Variants in PES1 observed in about 807,000 individuals in gnomAD.
PES1 encodes pescadillo ribosomal biogenesis factor 1.
PES1 carries 31 observed loss-of-function variants against 77.1 expected under a neutral mutation model. The ratio of observed to expected loss-of-function variants is 0.40; its 90% CI spans 0.30 to 0.54. PES1 has a LOEUF of 0.54. Ranked by LOEUF, PES1 falls within the 20% of genes least tolerant of loss-of-function variation. The probability of loss-of-function intolerance (pLI) is 0.45; values close to 1 mark genes in which losing one functional copy is unlikely to be tolerated. For missense variants in PES1, 658 were observed against 771.7 expected (o/e 0.85, Z 1.75); for synonymous variants, 282 against 303.0 (o/e 0.93, Z 0.72).
intron 2 of PES1, among the ~76,000 whole-genome samples, chr22:30,599,626 G>A (rs5997697): frequency 0.34 from 52,399 of 152,064 alleles, 9,168 homozygotes; most frequent in Middle Eastern, 0.42. Flanking sequence ...TAGGCTGGGC[G>A]CGGTGGCTCA....
intron 4 of PES1, 39 bp from the exon 5 acceptor site, chr22:30,584,756 C>G: frequency 6.2e-7 from 1 of 1,605,236 alleles, no homozygotes; most frequent in Non-Finnish European, 8.5e-7. Flanking sequence ...GCCTGTTCAG[C>G]GTGGGTGCCA....
chr22:30,598,988 C>T (rs948045182), intron 2 of PES1, among the ~76,000 whole-genome samples: 4 of 136,548 alleles, frequency 2.9e-5, no homozygotes, highest in Non-Finnish European at 6.1e-5. Context: ...CCTCCGTTTC[C>T]TGGGTTCGAA....
At position 30,576,823 on chromosome 22, in the gene PES1, G is replaced by A. The variant is rs780229599; in HGVS notation, c.*223C>T. 3.5e-6 allele frequency: 2 copies of A among 574,342 alleles called. No individual in the cohort carries two copies. The highest frequency in any genetic ancestry group is 2.9e-5 in the East Asian group (1 of 34,132). 35.6% of individuals were successfully genotyped at this position (574,342 alleles called of 1,614,324 possible). A position where few individuals can be genotyped will look rare whatever the true frequency, so the allele number is the denominator to read the frequency against. On this transcript the variant is annotated 3_prime_UTR_variant, in exon 15 of 15. Coordinates refer to ENST00000354694, the MANE Select transcript of PES1 (RefSeq NM_014303.4). ...GCTCCTGGGAGCAGAGAATCAGGCT[G>A]GGCACAGAGGCCTCTTCTCTGACCA...
At position 30,580,603 on chromosome 22, in the gene PES1, C is replaced by T. The variant is rs769350869; in HGVS notation, c.1011G>A (p.Glu337=). ...FEGLKFFLNR[E]VPREALAFII... is the part of the protein sequence containing the mutation. ...TGAAGGCCAGGGCCTCACGGGGCACCTCTCGGTTCAGGAAGAACTTCAGGC... is the reference window on the plus strand; with the variant it reads ...TGAAGGCCAGGGCCTCACGGGGCACTTCTCGGTTCAGGAAGAACTTCAGGC... The change falls in exon 10 of 15, where the codon GAG becomes GAA. Residue 337 remains glutamate (E), a synonymous_variant. Coordinates refer to ENST00000354694, the MANE Select transcript of PES1 (RefSeq NM_014303.4). 6.2e-7 allele frequency: 1 copy of T among 1,613,692 alleles called. No individual in the cohort carries two copies. Among genetic ancestry groups the T allele is most frequent in the Non-Finnish European group, 8.5e-7 (1 of 1,180,026 alleles).
chr22:30,589,143 C>T (rs2146477790), intron 2 of PES1, 48 bp downstream of exon 2: 1 of 1,430,064 alleles, frequency 7.0e-7, no homozygotes, highest in Non-Finnish European at 9.8e-7. Context: ...GCTGAGTTTT[C>T]AATGTGCAAT....
intron 2 of PES1, among the ~76,000 whole-genome samples, chr22:30,599,214 TAATA>T (rs1352687780): frequency 6.6e-6 from 1 of 152,102 alleles, no homozygotes; most frequent in Non-Finnish European, 1.5e-5. Context: ...AGTAAATCTT[TAATA>T]AATAAACTGG....
intron 2 of PES1, among the ~76,000 whole-genome samples, chr22:30,602,928 T>TGTGTGA (rs1043361831): frequency 6.6e-6 from 1 of 151,980 alleles, no homozygotes; most frequent in South Asian, 2.1e-4. Flanking sequence ...TGTGTGTGTG[T>TGTGTGA]GAGAAGGAGT....
Position 30,576,884 on chromosome 22 carries a change from G to C in PES1, c.*162C>G, listed in dbSNP as rs1569018912. ...GGGCAGCTCCATCCAAGGGAAGCGA[G>C]GGCTGCCCACTGGCCCAGCCAGAGA... On this transcript the variant is annotated 3_prime_UTR_variant, in exon 15 of 15. Transcript: ENST00000354694. 1.5e-6 allele frequency: 1 copy of C among 646,260 alleles called. No homozygotes were observed. Among genetic ancestry groups the C allele is most frequent in the Non-Finnish European group, 2.8e-6 (1 of 362,286 alleles). The allele number at this position is 646,260 out of a possible 1,614,324, so 40.0% of individuals were successfully genotyped here.
At chr22:30,579,491 C>A in intron 12 of PES1, 188 bp from the exon 13 acceptor site, 2 of 925,656 alleles carry the variant, frequency 2.2e-6, no homozygotes, top group Non-Finnish European at 3.2e-6. Flanking sequence ...AATTCCAAGA[C>A]CCCCAGTCCT....
rs140808409 is a variant in PES1 at position 30,579,878 on chromosome 22, G to A, written c.1227C>T (p.Pro409=). ...GCACCCCAGAGAAGTACTCTGCCAC[G>A]GGGAGAAGGAGCCTGGCGTTCACTG... The part of the protein sequence containing the change: ...FDSVNARLLL[P]VAEYFSGVQL... The change falls in exon 12 of 15, where the codon CCC becomes CCT. Residue 409 remains proline (P), a synonymous_variant. Coordinates refer to ENST00000354694, the MANE Select transcript of PES1 (RefSeq NM_014303.4). 43,754 of 1,614,102 alleles carry A rather than the reference G, an allele frequency of 0.027. 714 individuals carry two copies. The highest frequency in any genetic ancestry group is 0.032 in the Non-Finnish European group (37,967 of 1,179,998).
Position 30,581,116 on chromosome 22 carries a change from G to C in PES1, c.823-15C>G. The C allele has an allele frequency of 1.3e-6, 2 of 1,594,486 alleles. No homozygotes were observed. The highest frequency in any genetic ancestry group is 1.7e-6 in the Non-Finnish European group (2 of 1,169,078). ...GCTGCCAGTTTCTACAGGAGAGAAG[G>C]GGGCTGCTTGCAGTGGGGGACCTCA... On this transcript the variant is annotated splice_polypyrimidine_tract_variant and intron_variant, in intron 8 of 14. Coordinates refer to ENST00000354694, the MANE Select transcript of PES1 (RefSeq NM_014303.4).
Position 30,579,454 on chromosome 22 carries a change from C to T in PES1, c.1355-151G>A, listed in dbSNP as rs887908135. 8.7e-6 allele frequency: 11 copies of T among 1,268,382 alleles called. No homozygotes were observed. The East Asian group carries it at 1.4e-4, about 16-fold the overall frequency. 78.6% of individuals were successfully genotyped at this position (1,268,382 alleles called of 1,614,324 possible). A position where few individuals can be genotyped will look rare whatever the true frequency, so the allele number is the denominator to read the frequency against. ...CCAATTGTGGCCCTCTCTTGCACCT[C>T]CCCACAGCCCAGCTGCCATCAGAGG... is the stretch of plus-strand genomic sequence containing the variant. On this transcript the variant is annotated intron_variant, in intron 12 of 14. Coordinates refer to ENST00000354694, the MANE Select transcript of PES1 (RefSeq NM_014303.4).
Position 30,580,713 on chromosome 22 carries a change from G to C in PES1, c.913-12C>G. 1.2e-6 allele frequency: 2 copies of C among 1,612,758 alleles called. No homozygotes were observed. The highest frequency in any genetic ancestry group is 1.3e-5 in the African/African-American group (1 of 75,042). On this transcript the variant is annotated splice_polypyrimidine_tract_variant and intron_variant, in intron 9 of 14. Transcript: ENST00000354694. Reference sequence around the variant, plus strand: ...TGCGCTGACATCTCCTGTTGAGAAAGGGGCCAGGCCTCGCACCACCAGGGC... The same window carrying C: ...TGCGCTGACATCTCCTGTTGAGAAACGGGCCAGGCCTCGCACCACCAGGGC...
At position 30,602,727 on chromosome 22, in the gene PES1, T is replaced by C. The variant is rs117023255; in HGVS notation, c.-661+2734A>G. On this transcript the variant is annotated intron_variant, in intron 2 of 16. Coordinates refer to the PES1 transcript ENST00000402281. ...GTTGTATCTAAAAAGGCATCACCTC[T>C]TCTTGAAGTTTTATAGTTTTGTGTT... 8.3e-3 allele frequency among the ~76,000 whole-genome samples: 1,268 copies of C among 152,268 alleles called. 92 individuals carry two copies. In the East Asian group the frequency reaches 0.16, roughly 20 times the overall value.
At chr22:30,579,470 C>T (rs2086949019) in intron 12 of PES1, 167 bp from the exon 13 acceptor site, 1 of 1,137,300 alleles carries the variant, frequency 8.8e-7, no homozygotes, top group Non-Finnish European at 1.2e-6. Flanking sequence ...AGCCCAGCTG[C>T]CATCAGAGGA....
chr22:30,580,674 T>C lies in PES1; in HGVS notation c.940A>G (p.Arg314Gly). Reference protein sequence around the residue: ...GEMSAQEEDRRKELEAQEKHK... With the variant: ...GEMSAQEEDRGKELEAQEKHK... ...TTCTCCTGCGCCTCCAGCTCCTTCC[T>C]GCGGTCTTCCTCCTGCGCTGACATC... Residue 314 changes from arginine to glycine, a missense_variant, in exon 10 of 15, where the codon AGG becomes GGG. Physicochemically the swap from Arg to Gly is moderately radical, Grantham distance 125 (BLOSUM62 -2). Transcript: ENST00000354694. 1 of 1,613,494 alleles carries C rather than the reference T, an allele frequency of 6.2e-7. No individual in the cohort carries two copies. Among genetic ancestry groups the C allele is most frequent in the Non-Finnish European group, 8.5e-7 (1 of 1,180,010 alleles).
chr22:30,584,315 T>A, intron 6 of PES1, 50 bp downstream of exon 6: 4 of 1,364,090 alleles, frequency 2.9e-6, no homozygotes, highest in Non-Finnish European at 4.1e-6. Context: ...CACATCCATA[T>A]CTGTCTAGGA....
chr22:30,587,335 A>G lies in PES1; in HGVS notation c.319T>C (p.Leu107=). The G allele has an allele frequency of 6.2e-7, 1 of 1,613,830 alleles. No homozygotes were observed. The highest frequency in any genetic ancestry group is 8.5e-7 in the Non-Finnish European group (1 of 1,179,894). ...GKSEWNTVER[L]KDNKPNYKLD... is the part of the protein sequence containing the mutation. ...TTGTAGTTGGGCTTATTGTCCTTTA[A>G]ACGCTCTACAGTGTTCCACTCGCTC... The change falls in exon 4 of 15, where the codon TTA becomes CTA. Residue 107 remains leucine, a synonymous_variant. Transcript: ENST00000354694.
At chr22:30,584,791 C>T in intron 4 of PES1, 74 bp from the exon 5 acceptor site, 2 of 1,473,550 alleles carry the variant, frequency 1.4e-6, no homozygotes, top group South Asian at 1.2e-5. Context: ...CTCCTTATCC[C>T]ACCCCAGATG....
Sources: gnomAD v4.1 joint callset for allele counts (sites outside exome capture counted in the v4.1 genomes callset) on GRCh38, gnomAD v4.1.1 for gene constraint, MANE v1.5 for transcripts, NCBI Gene and HGNC (gene_info 2026-07-23, HGNC 2026-07-21) for gene names.